The following COL12A1 variants were observed in gnomAD, a reference collection of about 807,000 sequenced individuals.
COL12A1 encodes the protein collagen type XII alpha 1 chain.
Under a neutral mutation model 349.7 loss-of-function variants are expected in COL12A1, and 114 were observed. The ratio of observed to expected loss-of-function variants is 0.33; its 90% CI spans 0.28 to 0.38. COL12A1 has a LOEUF of 0.38. COL12A1 is among the 10% of genes least tolerant of loss of function. The pLI, the probability that COL12A1 is intolerant of heterozygous loss-of-function variation, is 1.00. For missense variants in COL12A1, 3,284 were observed against 3,756.9 expected (o/e 0.87, Z 3.29); for synonymous variants, 1,369 against 1,329.0 (o/e 1.03, Z -0.66).
In COL12A1 at chr6:75,134,862, TA is replaced by T; in HGVS notation, c.5395-8del. Reference sequence around the variant, plus strand: ...GCCGTCCTCCTATTGTGGTCTTGAGTAAAAAGGGTCTTGGTAAGTGTCAGCC... The same window carrying T: ...GCCGTCCTCCTATTGTGGTCTTGAGTAAAAGGGTCTTGGTAAGTGTCAGCC... On this transcript the variant is annotated splice_region_variant and splice_polypyrimidine_tract_variant and intron_variant, in intron 31 of 65. Coordinates refer to ENST00000322507, the MANE Select transcript of COL12A1 (RefSeq NM_004370.6). 6.2e-7 allele frequency: 1 copy of T among 1,608,192 alleles called. No individual in the cohort carries two copies. The highest frequency in any genetic ancestry group is 1.1e-5 in the South Asian group (1 of 90,108).
At chr6:75,112,689 A>C (rs1458705005) in intron 51 of COL12A1, among the ~76,000 whole-genome samples, 7 of 151,690 alleles carry the variant, frequency 4.6e-5, no homozygotes, top group Non-Finnish European at 8.9e-5. Context: ...ATTTATCTTA[A>C]TTATTTTGGT....
chr6:75,103,727 G>T (rs759877118), intron 55 of COL12A1, 30 bp downstream of exon 55: 2 of 1,597,188 alleles, frequency 1.3e-6, no homozygotes, highest in South Asian at 2.2e-5. Flanking sequence ...ATATAGATAA[G>T]AATTTAAATG....
chr6:75,176,320 T>C (rs1768945231), intron 12 of COL12A1, among the ~76,000 whole-genome samples: 2 of 118,998 alleles, frequency 1.7e-5, no homozygotes, highest in Middle Eastern at 6.0e-3. Context: ...AGTGATGCAG[T>C]GGGAGGAGGG....
At chr6:75,137,704 T>A in intron 30 of COL12A1, 125 bp from the exon 31 acceptor site, 1 of 1,045,120 alleles carries the variant, frequency 9.6e-7, no homozygotes, top group Non-Finnish European at 1.4e-6. Flanking sequence ...TTCGTTCCCT[T>A]AATAAAAATG....
intron 51 of COL12A1, among the ~76,000 whole-genome samples, chr6:75,110,702 A>G (rs978151956): frequency 2.0e-5 from 3 of 152,034 alleles, no homozygotes; most frequent in Non-Finnish European, 2.9e-5. Flanking sequence ...CCAGGAATGG[A>G]TAACTGTCTG....
chr6:75,200,415 A>C (rs1770467989), intron 2 of COL12A1, among the ~76,000 whole-genome samples: 1 of 152,174 alleles, frequency 6.6e-6, no homozygotes, highest in African/African-American at 2.4e-5. Flanking sequence ...TCTACTAAAA[A>C]TACAAAAATT....
chr6:75,181,863 G>T (rs576395377), intron 10 of COL12A1, among the ~76,000 whole-genome samples: 3 of 151,972 alleles, frequency 2.0e-5, no homozygotes, highest in South Asian at 2.1e-4. Context: ...ACTGAGGCAG[G>T]TGGATCACCT....
chr6:75,199,306 G>A (rs1212392731), intron 2 of COL12A1, among the ~76,000 whole-genome samples: 1 of 152,182 alleles, frequency 6.6e-6, no homozygotes, highest in East Asian at 1.9e-4. Context: ...AACGAGAGAA[G>A]TAGAATAGAT....
At chr6:75,182,704 A>AG (rs1769377274) in intron 10 of COL12A1, among the ~76,000 whole-genome samples, 2 of 152,228 alleles carry the variant, frequency 1.3e-5, no homozygotes, top group African/African-American at 2.4e-5. Context: ...TGAAGGACCC[A>AG]GCTCAGTATC....
chr6:75,202,931 T>C, intron 1 of COL12A1, 104 bp from the exon 2 acceptor site: 1 of 686,126 alleles, frequency 1.5e-6, no homozygotes, highest in Non-Finnish European at 2.5e-6. Context: ...CAGATCTGCC[T>C]TAAAAACCAC....
rs745693232 is a variant in COL12A1 at position 75,121,480 on chromosome 6, G to T, written c.6947-39C>A. On this transcript the variant is annotated intron_variant, in intron 43 of 65. Transcript: ENST00000322507. ...AAGCAGAGGAAGCCCCAAATCTCAT[G>T]AATTCTTTCATTTAAATGAAATCAC... The T allele has an allele frequency of 3.4e-6, 5 of 1,478,664 alleles. No individual in the cohort carries two copies. The Admixed American group carries it at 1.1e-4, about 31-fold the overall frequency. The allele number at this position is 1,478,664 out of a possible 1,614,324, so 91.6% of individuals were successfully genotyped here.
intron 13 of COL12A1, among the ~76,000 whole-genome samples, chr6:75,170,802 T>C (rs1768588372): frequency 6.6e-6 from 1 of 152,222 alleles, no homozygotes; most frequent in Non-Finnish European, 1.5e-5. Flanking sequence ...AAGGGGCCCA[T>C]GTTACTCAAC....
intron 1 of COL12A1, among the ~76,000 whole-genome samples, chr6:75,203,186 C>T (rs1390740302): frequency 1.2e-5 from 1 of 83,256 alleles, no homozygotes; most frequent in Non-Finnish European, 2.4e-5. Context: ...TCTCTTCCAG[C>T]TGGGGATTTT....
In COL12A1 at chr6:75,191,754, G is replaced by C; in HGVS notation, c.341C>G (p.Thr114Arg). ...VPVIGQLTIQ[T>R]GSSTKPVEKK... is the part of the protein sequence containing the mutation. ...CTCCACTGGCTTTGTCGAACTACCT[G>C]TTTGAACTAAGTTAAAACTTTATTA... Residue 114 changes from threonine (T) to arginine (R), a missense_variant, in exon 5 of 66, where the codon ACA (threonine) becomes AGA (arginine). Thr to Arg is a moderately conservative substitution (Grantham distance 71). Coordinates refer to ENST00000322507, the MANE Select transcript of COL12A1 (RefSeq NM_004370.6). 1.3e-6 allele frequency: 2 copies of C among 1,591,258 alleles called. No individual in the cohort carries two copies. The highest frequency in any genetic ancestry group is 1.7e-6 in the Non-Finnish European group (2 of 1,168,604).
In COL12A1 at chr6:75,130,149, G is replaced by A. The variant is rs373325814; in HGVS notation, c.6152C>T (p.Pro2051Leu). The A allele has an allele frequency of 1.2e-6, 2 of 1,613,970 alleles. No homozygotes were observed. Among genetic ancestry groups the A allele is most frequent in the East Asian group, 2.2e-5 (1 of 44,890 alleles). The change falls in exon 37 of 66, where the codon CCA becomes CTA. Residue 2051 changes from proline to leucine, a missense_variant. Coordinates refer to ENST00000322507, the MANE Select transcript of COL12A1 (RefSeq NM_004370.6). ...ATAGATGATCCTGTACTGCTGAACT[G>A]GCCCATCAGCATGATCCCAGGCTAC... The part of the protein sequence containing the change: ...LSVAWDHADG[P>L]VQQYRIIYSP...
intron 3 of COL12A1, among the ~76,000 whole-genome samples, chr6:75,192,563 G>A (rs1159251602): frequency 2.0e-5 from 3 of 151,936 alleles, no homozygotes; most frequent in African/African-American, 7.3e-5. Flanking sequence ...GCTTTTATTT[G>A]TTACAATCAT....
intron 39 of COL12A1, 21 bp from the exon 40 acceptor site, chr6:75,125,294 A>T (rs756596943): frequency 2.5e-6 from 4 of 1,578,604 alleles, no homozygotes; most frequent in African/African-American, 2.7e-5. Context: ...AACCACAAAA[A>T]TACACAGAAA....
At chr6:75,145,559 G>T in intron 24 of COL12A1, 104 bp from the exon 25 acceptor site, 7 of 1,057,156 alleles carry the variant, frequency 6.6e-6, no homozygotes, top group East Asian at 2.9e-5. Context: ...TTATAATACA[G>T]CTTGTATTTT....
chr6:75,140,457 C>T (rs1766835004), intron 27 of COL12A1, among the ~76,000 whole-genome samples: 1 of 151,998 alleles, frequency 6.6e-6, no homozygotes, highest in Admixed American at 6.6e-5. Context: ...GAGATCCAGA[C>T]CATCCTGGCT....
Sources: gnomAD v4.1 joint callset for allele counts (sites outside exome capture counted in the v4.1 genomes callset) on GRCh38, gnomAD v4.1.1 for gene constraint, MANE v1.5 for transcripts, NCBI Gene and HGNC (gene_info 2026-07-23, HGNC 2026-07-21) for gene names.